Variants in SCFD2 observed in about 807,000 individuals in gnomAD.
SCFD2 encodes the protein sec1 family domain containing 2.
In SCFD2, 54 loss-of-function variants were observed where a neutral mutation model predicts 58.9. That is an observed-to-expected ratio of 0.92 (90% CI 0.74 to 1.15). The LOEUF (loss-of-function observed/expected upper bound fraction) is 1.15. Ranked by LOEUF, SCFD2 falls within the 50% of genes most tolerant of loss-of-function variation. SCFD2 has a pLI of 0.00. For synonymous variants in SCFD2, 321 were observed against 335.9 expected (o/e 0.96, Z 0.49); for missense variants, 805 against 836.6 (o/e 0.96, Z 0.47).
At chr4:53,170,102 C>T (rs1241394857) in intron 4 of SCFD2, among the ~76,000 whole-genome samples, 1 of 152,032 alleles carries the variant, frequency 6.6e-6, no homozygotes, top group East Asian at 1.9e-4. Context: ...ACTCATTGCC[C>T]AGACAAAGGT....
intron 5 of SCFD2, among the ~76,000 whole-genome samples, chr4:53,135,736 A>G (rs1725917184): frequency 6.6e-6 from 1 of 151,896 alleles, no homozygotes. Flanking sequence ...GCGAGACTCC[A>G]TCTCAAAAAA....
At chr4:53,253,105 A>G (rs1338675584) in intron 4 of SCFD2, among the ~76,000 whole-genome samples, 2 of 152,242 alleles carry the variant, frequency 1.3e-5, no homozygotes, top group Non-Finnish European at 2.9e-5. Flanking sequence ...TCTCAAAAGA[A>G]GACATTTATG....
intron 3 of SCFD2, among the ~76,000 whole-genome samples, chr4:53,301,207 A>G (rs1732276134): frequency 6.6e-6 from 1 of 152,216 alleles, no homozygotes; most frequent in South Asian, 2.1e-4. Context: ...CGCTAGCAAG[A>G]CTAATAAAGA....
chr4:53,365,705 G>A lies in SCFD2; in HGVS notation c.237C>T (p.Cys79=), dbSNP rs1734681377. The A allele has an allele frequency of 1.2e-6, 2 of 1,614,186 alleles. No individual in the cohort carries two copies. Among genetic ancestry groups the A allele is most frequent in the East Asian group, 2.2e-5 (1 of 44,880 alleles). ...TCTCCACGGTCCGGCCTTTCAGCAGGCAGCTCAGCACAAACACTGCCTTGG... is the reference window on the plus strand; with the variant it reads ...TCTCCACGGTCCGGCCTTTCAGCAGACAGCTCAGCACAAACACTGCCTTGG... ...KQPKAVFVLS[C]LLKGRTVEIL... Residue 79 remains cysteine (C), a synonymous_variant, in exon 1 of 9, where the codon TGC becomes TGT. Coordinates refer to ENST00000401642, the MANE Select transcript of SCFD2 (RefSeq NM_152540.4). The surrounding 1 kb of genome is among the most constrained non-coding windows in gnomAD (Gnocchi z 4.3).
intron 1 of SCFD2, among the ~76,000 whole-genome samples, chr4:53,361,550 C>A (rs1288119792): frequency 1.3e-5 from 2 of 152,190 alleles, no homozygotes; most frequent in East Asian, 3.8e-4. Context: ...GCATGAGCCA[C>A]TATACCTGGC....
intron 4 of SCFD2, among the ~76,000 whole-genome samples, chr4:53,224,388 CAA>C (rs144809985): frequency 3.8e-4 from 6 of 15,608 alleles, no homozygotes; most frequent in Admixed American, 1.7e-3. Context: ...GACTCCGTCT[CAA>C]AAAAAAAAAA....
At chr4:52,951,667 T>C (rs1464595388) in intron 5 of SCFD2, among the ~76,000 whole-genome samples, 3 of 152,190 alleles carry the variant, frequency 2.0e-5, no homozygotes, top group Non-Finnish European at 1.5e-5. Context: ...TAAGAAGTGA[T>C]ACTCCAAAAG....
At chr4:53,351,305 C>T (rs1734213055) in intron 2 of SCFD2, among the ~76,000 whole-genome samples, 1 of 152,146 alleles carries the variant, frequency 6.6e-6, no homozygotes, top group South Asian at 2.1e-4. Flanking sequence ...ACATCAACCC[C>T]CTCCTCTTTT....
chr4:53,261,776 T>C (rs1475870348), intron 4 of SCFD2, among the ~76,000 whole-genome samples: 1 of 152,194 alleles, frequency 6.6e-6, no homozygotes, highest in Non-Finnish European at 1.5e-5. Flanking sequence ...TGTTTCTTTG[T>C]TGGCTTTCTG....
intron 3 of SCFD2, among the ~76,000 whole-genome samples, chr4:53,289,263 G>A (rs1259053406): frequency 6.6e-6 from 1 of 152,186 alleles, no homozygotes; most frequent in Admixed American, 6.5e-5. Flanking sequence ...CTACTCGGGA[G>A]GCTGAGGCAG....
At chr4:53,147,897 C>T (rs1225935819) in intron 4 of SCFD2, among the ~76,000 whole-genome samples, 1 of 152,158 alleles carries the variant, frequency 6.6e-6, no homozygotes, top group African/African-American at 2.4e-5. Context: ...ATGGGTTGGG[C>T]AAACTTGCTC....
At chr4:53,153,243 A>G (rs1458117886) in intron 4 of SCFD2, among the ~76,000 whole-genome samples, 1 of 152,180 alleles carries the variant, frequency 6.6e-6, no homozygotes, top group South Asian at 2.1e-4. Flanking sequence ...CCTCTTCAAC[A>G]GGTTTCTGCC....
chr4:53,239,383 G>A (rs1411997052), intron 4 of SCFD2, among the ~76,000 whole-genome samples: 1 of 144,010 alleles, frequency 6.9e-6, no homozygotes, highest in Non-Finnish European at 1.5e-5. Flanking sequence ...GGGAGAGGGA[G>A]ACCGTGGGGA....
chr4:53,087,161 C>T (rs1463708491), intron 5 of SCFD2, among the ~76,000 whole-genome samples: 2 of 152,034 alleles, frequency 1.3e-5, no homozygotes, highest in East Asian at 3.9e-4. Flanking sequence ...CTACTACCCA[C>T]AAAAATAAAA....
intron 5 of SCFD2, among the ~76,000 whole-genome samples, chr4:52,947,888 C>T (rs1174341003): frequency 8.5e-6 from 1 of 117,656 alleles, no homozygotes; most frequent in Non-Finnish European, 1.8e-5. Context: ...ATAAAACCAA[C>T]AAAGGATTAC....
intron 4 of SCFD2, among the ~76,000 whole-genome samples, chr4:53,245,694 A>G (rs1161584232): frequency 6.6e-6 from 1 of 152,188 alleles, no homozygotes; most frequent in Non-Finnish European, 1.5e-5. Context: ...TATTGAAGGA[A>G]CATACATCAA....
intron 4 of SCFD2, among the ~76,000 whole-genome samples, chr4:53,267,197 T>G (rs771884180): frequency 2.0e-5 from 3 of 151,950 alleles, no homozygotes; most frequent in African/African-American, 4.8e-5. Flanking sequence ...TGGAAATGAG[T>G]CTCCCAAGAC....
chr4:53,162,558 G>C (rs111882956), intron 4 of SCFD2, among the ~76,000 whole-genome samples: 1 of 152,278 alleles, frequency 6.6e-6, no homozygotes, highest in Non-Finnish European at 1.5e-5. Flanking sequence ...CCCACCAACA[G>C]TGTAAAAGTG....
intron 7 of SCFD2, 32 bp from the exon 8 acceptor site, chr4:52,885,898 G>T: frequency 1.9e-6 from 3 of 1,612,700 alleles, no homozygotes; most frequent in South Asian, 1.1e-5. Flanking sequence ...ATATCAGATG[G>T]ATGGCAGTGA....
Sources: gnomAD v4.1 joint callset for allele counts (sites outside exome capture counted in the v4.1 genomes callset) on GRCh38, gnomAD v4.1.1 for gene constraint, Gnocchi (gnomAD v3.1) non-coding constraint, MANE v1.5 for transcripts, NCBI Gene and HGNC (gene_info 2026-07-23, HGNC 2026-07-21) for gene names.